GRAMD1B: variants seen among roughly 807,000 people sequenced by gnomAD.
GRAMD1B encodes the protein GRAM domain containing 1B.
Under a neutral mutation model 99.7 loss-of-function variants are expected in GRAMD1B, and 37 were observed. The observed-to-expected ratio is 0.37, with a 90% CI of 0.29 to 0.49. The LOEUF (loss-of-function observed/expected upper bound fraction) is 0.49. Among genes scored for constraint, GRAMD1B ranks in the 20% least tolerant of loss-of-function variants. The pLI, the probability that GRAMD1B is intolerant of heterozygous loss-of-function variation, is 0.98. For missense variants in GRAMD1B, 888 were observed against 1,009.2 expected (o/e 0.88, Z 1.63); for synonymous variants, 427 against 387.6 (o/e 1.10, Z -1.19).
chr11:123,385,865 G>C (rs945287314), intron 1 of GRAMD1B, among the ~76,000 whole-genome samples: 8 of 151,786 alleles, frequency 5.3e-5, no homozygotes, highest in African/African-American at 1.9e-4. Flanking sequence ...CTGTGAGTCT[G>C]TGTGTGTGTG....
intron 2 of GRAMD1B, among the ~76,000 whole-genome samples, chr11:123,517,020 A>G (rs1050196502): frequency 5.3e-5 from 8 of 152,162 alleles, no homozygotes; most frequent in Non-Finnish European, 1.2e-4. Context: ...TCTGGGCTCA[A>G]GCAATTCTCC....
At chr11:123,467,782 G>T (rs1950764858) in intron 1 of GRAMD1B, among the ~76,000 whole-genome samples, 1 of 150,988 alleles carries the variant, frequency 6.6e-6, no homozygotes, top group Admixed American at 6.6e-5. Flanking sequence ...GGCCTAGCAG[G>T]GTCCTTCCTT....
At chr11:123,457,093 CAGAG>C (rs1161762951) in intron 1 of GRAMD1B, among the ~76,000 whole-genome samples, 1 of 57,622 alleles carries the variant, frequency 1.7e-5, no homozygotes, top group Non-Finnish European at 3.7e-5. Context: ...ACCTGGGTGA[CAGAG>C]AGAGACCCTT....
intron 1 of GRAMD1B, among the ~76,000 whole-genome samples, chr11:123,445,416 G>T (rs1949592706): frequency 6.6e-6 from 1 of 152,170 alleles, no homozygotes; most frequent in Non-Finnish European, 1.5e-5. Context: ...ACAGGGTGGA[G>T]CTTCTCCTGG....
chr11:123,495,654 C>T (rs1321548484), intron 2 of GRAMD1B, among the ~76,000 whole-genome samples: 1 of 150,412 alleles, frequency 6.6e-6, no homozygotes, highest in Admixed American at 6.6e-5. Flanking sequence ...TAAGTGAAAC[C>T]ATGCGAAGTT....
Position 123,603,540 on chromosome 11 carries a change from G to A in GRAMD1B, c.1165G>A (p.Gly389Arg). 1.3e-6 allele frequency: 2 copies of A among 1,591,910 alleles called. No individual in the cohort carries two copies. Among genetic ancestry groups the A allele is most frequent in the African/African-American group, 1.3e-5 (1 of 74,628 alleles). ...VPPDDDFNTM[G>R]YCEEIPVEEN... Reference sequence around the variant, plus strand: ...CCCTGACGACGACTTCAACACAATGGGGTGAGTGAGGCCAAGGGCGGCTGC... The same window carrying A: ...CCCTGACGACGACTTCAACACAATGAGGTGAGTGAGGCCAAGGGCGGCTGC... Residue 389 changes from glycine to arginine, a missense_variant and splice_region_variant, in exon 9 of 20, where the codon GGA becomes AGA. Transcript: ENST00000635736.
chr11:123,403,191 G>A (rs558968815), intron 1 of GRAMD1B, among the ~76,000 whole-genome samples: 2 of 152,120 alleles, frequency 1.3e-5, no homozygotes, highest in South Asian at 4.2e-4. Flanking sequence ...TTGGGAGGCC[G>A]AGGCTGGTGG....
intron 2 of GRAMD1B, among the ~76,000 whole-genome samples, chr11:123,576,660 C>T (rs527252036): frequency 2.6e-5 from 4 of 152,318 alleles, no homozygotes; most frequent in South Asian, 4.1e-4. Context: ...GTGAGAACTT[C>T]GGCTGTGTGC....
At chr11:123,443,304 C>CA (rs1264157733) in intron 1 of GRAMD1B, among the ~76,000 whole-genome samples, 7 of 152,048 alleles carry the variant, frequency 4.6e-5, no homozygotes, top group Non-Finnish European at 1.0e-4. Flanking sequence ...TGAAAAAAGT[C>CA]AAACTCTGTA....
intron 1 of GRAMD1B, among the ~76,000 whole-genome samples, chr11:123,414,201 T>C (rs1948150936): frequency 1.3e-5 from 2 of 152,056 alleles, no homozygotes; most frequent in Admixed American, 6.5e-5. Flanking sequence ...CGTACCACCA[T>C]GCCTGGCTAA....
chr11:123,409,386 C>T (rs1947961766), intron 1 of GRAMD1B, among the ~76,000 whole-genome samples: 1 of 152,154 alleles, frequency 6.6e-6, no homozygotes, highest in African/African-American at 2.4e-5. Flanking sequence ...CAGACGTTGG[C>T]GTTTATGTTG....
rs1175552385 is a variant in GRAMD1B at position 123,594,728 on chromosome 11, A to G, written c.770-7A>G. On this transcript the variant is annotated splice_polypyrimidine_tract_variant and splice_region_variant and intron_variant, in intron 5 of 19. Coordinates refer to ENST00000635736, the MANE Select transcript of GRAMD1B (RefSeq NM_001387025.1). ...TCTGAGCTCCCCTACCTCCGCTCCTACCACAGATTACTCATGTGCACTCCA... is the reference window on the plus strand; with the variant it reads ...TCTGAGCTCCCCTACCTCCGCTCCTGCCACAGATTACTCATGTGCACTCCA... The G allele has an allele frequency of 1.3e-5, 20 of 1,487,456 alleles. No individual in the cohort carries two copies. Among genetic ancestry groups the G allele is most frequent in the Non-Finnish European group, 1.9e-5 (20 of 1,064,498 alleles). The allele number at this position is 1,487,456 out of a possible 1,614,324, so 92.1% of individuals were successfully genotyped here.
intron 8 of GRAMD1B, 126 bp from the exon 9 acceptor site, chr11:123,603,300 T>C: frequency 1.5e-6 from 1 of 648,186 alleles, no homozygotes; most frequent in Non-Finnish European, 2.8e-6. Context: ...GTGGCTCGCC[T>C]CTCATTCAGC....
rs372970311 is a variant in GRAMD1B, at chr11:123,467,140, G to A, written c.375-13676G>A. 2.0e-5 allele frequency among the ~76,000 whole-genome samples: 3 copies of A among 152,246 alleles called. No homozygotes were observed. The South Asian group carries it at 6.2e-4, about 32-fold the overall frequency. ...TATTTATTTATTTTTCCTAGCCAGA[G>A]CTTCATGATCTGTATTCACGAGAGC... On this transcript the variant is annotated intron_variant, in intron 1 of 19. Transcript: ENST00000635736.
intron 1 of GRAMD1B, among the ~76,000 whole-genome samples, chr11:123,371,617 C>T (rs1242596137): frequency 1.3e-5 from 2 of 152,192 alleles, no homozygotes; most frequent in Admixed American, 6.5e-5. Flanking sequence ...TCCAATCATG[C>T]ATATTCTGTG....
chr11:123,615,033 G>A (rs1288531379), intron 17 of GRAMD1B, among the ~76,000 whole-genome samples, 198 bp downstream of exon 17: 1 of 152,196 alleles, frequency 6.6e-6, no homozygotes, highest in East Asian at 1.9e-4. Flanking sequence ...GCTTTGTTCA[G>A]CATTTACTGT....
In GRAMD1B at chr11:123,591,946, C is replaced by T. The variant is rs1468631332; in HGVS notation, c.685-2136C>T. ...GAAAGTAGCGGCCCCCTCGATTTGC[C>T]TGCGGGTTGGAGATGGTGGCCAAAC... On this transcript the variant is annotated intron_variant, in intron 4 of 19. Transcript: ENST00000635736. This position sits in a 1 kb window ranked among gnomAD's most constrained non-coding sequence, Gnocchi z 4.7. Among the ~76,000 whole-genome samples the T allele has an allele frequency of 6.6e-6, 1 of 152,218 alleles. No homozygotes were observed. Among genetic ancestry groups the T allele is most frequent in the East Asian group, 1.9e-4 (1 of 5,188 alleles).
intron 2 of GRAMD1B, among the ~76,000 whole-genome samples, chr11:123,551,393 AC>A (rs1284606740): frequency 6.6e-6 from 1 of 152,208 alleles, no homozygotes; most frequent in African/African-American, 2.4e-5. Flanking sequence ...CCTCTACACT[AC>A]ATGGGACAGG....
intron 2 of GRAMD1B, among the ~76,000 whole-genome samples, chr11:123,513,607 TTCCTTC>T (rs1941341085): frequency 8.4e-6 from 1 of 118,666 alleles, no homozygotes; most frequent in African/African-American, 3.5e-5. Context: ...CCTTCCTTCC[TTCCTTC>T]CTTCCTTTCT....
Sources: allele counts gnomAD v4.1 joint callset (sites outside exome capture counted in the v4.1 genomes callset), GRCh38; gene constraint gnomAD v4.1.1; non-coding constraint Gnocchi (gnomAD v3.1); transcripts MANE v1.5; gene names NCBI Gene and HGNC (gene_info 2026-07-23, HGNC 2026-07-21).